The following CDCA2 variants were observed in gnomAD, a reference collection of about 807,000 sequenced individuals.
The protein encoded by CDCA2 is cell division cycle-associated protein 2.
Under a neutral mutation model 67.0 loss-of-function variants are expected in CDCA2, and 44 were observed. The observed-to-expected ratio is 0.66, with a 90% CI of 0.52 to 0.84. The LOEUF (loss-of-function observed/expected upper bound fraction) is 0.84, where lower values mean the gene tolerates loss of function less well. Ranked by LOEUF, CDCA2 falls within the 40% of genes least tolerant of loss-of-function variation. The probability of loss-of-function intolerance (pLI) is 0.00; values close to 1 mark genes in which losing one functional copy is unlikely to be tolerated. For missense variants in CDCA2, 1,253 were observed against 1,203.2 expected (o/e 1.04, Z -0.61); for synonymous variants, 447 against 418.7 (o/e 1.07, Z -0.82).
intron 13 of CDCA2, among the ~76,000 whole-genome samples, chr8:25,495,315 A>G (rs1037263285): frequency 6.6e-6 from 1 of 152,230 alleles, no homozygotes; most frequent in African/African-American, 2.4e-5. Flanking sequence ...AACAATCTCT[A>G]ATAAGCGAAA....
Position 25,483,460 on chromosome 8 carries a change from C to T in CDCA2, c.1094C>T (p.Pro365Leu). The T allele has an allele frequency of 6.2e-7, 1 of 1,611,260 alleles. No individual in the cohort carries two copies. Among genetic ancestry groups the T allele is most frequent in the Non-Finnish European group, 8.5e-7 (1 of 1,178,688 alleles). ...GTHPSLISNL[P>L]NCCKEKEAED... ...CATCCGAGCTTAATCTCAAATCTCC[C>T]AAACTGTTGCAAAGAGAAAGAAGCA... The change falls in exon 9 of 15, where the codon CCA (proline) becomes CTA (leucine). Residue 365 changes from proline to leucine, a missense_variant. Transcript: ENST00000330560.
At position 25,488,708 on chromosome 8, in the gene CDCA2, A is replaced by T. The variant is rs1803880316; in HGVS notation, c.1671+19A>T. The T allele has an allele frequency of 6.4e-7, 1 of 1,573,928 alleles. No homozygotes were observed. Among genetic ancestry groups the T allele is most frequent in the South Asian group, 1.2e-5 (1 of 83,778 alleles). On this transcript the variant is annotated intron_variant, in intron 13 of 14. Transcript: ENST00000330560. Reference sequence around the variant, plus strand: ...GAGTCAGGTAAGCATGTGTTTAAAGATATAATAAAGAGTAGAAGTGGTGTG... The same window carrying T: ...GAGTCAGGTAAGCATGTGTTTAAAGTTATAATAAAGAGTAGAAGTGGTGTG...
intron 14 of CDCA2, among the ~76,000 whole-genome samples, chr8:25,504,191 G>A (rs1428643298): frequency 1.3e-5 from 2 of 152,036 alleles, no homozygotes; most frequent in African/African-American, 4.8e-5. Context: ...TATCAAGTCA[G>A]TTGATATATG....
chr8:25,503,647 T>A (rs1804564322), intron 14 of CDCA2, 103 bp downstream of exon 14: 1 of 1,150,770 alleles, frequency 8.7e-7, no homozygotes, highest in South Asian at 1.6e-5. Flanking sequence ...ATGTAAAGAG[T>A]ACGTAAATTT....
intron 13 of CDCA2, among the ~76,000 whole-genome samples, chr8:25,488,914 T>C (rs1803893630): frequency 6.6e-6 from 1 of 152,170 alleles, no homozygotes. Flanking sequence ...GCGTACTTCC[T>C]GCACAGTAAA....
intron 3 of CDCA2, among the ~76,000 whole-genome samples, chr8:25,461,768 GAAAC>G (rs1802697723): frequency 6.6e-6 from 1 of 152,146 alleles, no homozygotes; most frequent in African/African-American, 2.4e-5. Flanking sequence ...TAGGAAATAA[GAAAC>G]AAAAATGAAA....
chr8:25,484,713 C>T (rs950371665), intron 10 of CDCA2, among the ~76,000 whole-genome samples: 34 of 151,764 alleles, frequency 2.2e-4, no homozygotes, highest in Admixed American at 2.0e-3. Context: ...CATATCCTCC[C>T]GTCTTAGCCT....
chr8:25,507,393 A>ACTTCCACTTC lies in CDCA2; in HGVS notation c.2739_2748dup (p.Gln917PhefsTer15). Reference sequence around the variant, plus strand: ...AAAACGAAGGTCTTGTATGGATTTCACTTCCACTTCCTTCCACTTCCCAAA... The same window carrying ACTTCCACTTC: ...AAAACGAAGGTCTTGTATGGATTTCACTTCCACTTCCTTCCACTTCCTTCCACTTCCCAAA... On this transcript the variant is annotated frameshift_variant, in exon 15 of 15. Coordinates refer to ENST00000330560, the MANE Select transcript of CDCA2 (RefSeq NM_152562.4). LOFTEE classifies it low-confidence loss of function (END_TRUNC). 1.2e-6 allele frequency: 2 copies of ACTTCCACTTC among 1,613,894 alleles called. No individual in the cohort carries two copies. Among genetic ancestry groups the ACTTCCACTTC allele is most frequent in the Non-Finnish European group, 1.7e-6 (2 of 1,179,962 alleles).
At chr8:25,463,410 A>G (rs548019902) in intron 4 of CDCA2, among the ~76,000 whole-genome samples, 1 of 152,296 alleles carries the variant, frequency 6.6e-6, no homozygotes, top group African/African-American at 2.4e-5. Context: ...ACATCATAAA[A>G]CAATGCATTG....
At chr8:25,503,215 A>G (rs115514187) in intron 13 of CDCA2, among the ~76,000 whole-genome samples, 158 bp from the exon 14 acceptor site, 423 of 152,320 alleles carry the variant, frequency 2.8e-3, no homozygotes, top group African/African-American at 9.9e-3. Flanking sequence ...GCCCAGGGGC[A>G]GAAGTTGCAG....
At chr8:25,483,559 A>G in intron 9 of CDCA2, 73 bp downstream of exon 9, 1 of 1,080,998 alleles carries the variant, frequency 9.3e-7, no homozygotes, top group Non-Finnish European at 1.4e-6. Context: ...ATAATATATG[A>G]AATTTTCAAT....
Position 25,471,340 on chromosome 8 carries a change from T to C in CDCA2, c.820+1360T>C, listed in dbSNP as rs1803145576. On this transcript the variant is annotated intron_variant, in intron 7 of 14. Transcript: ENST00000330560. ...GTTACCACAATGGAATAAGGTGTTCTTGCCTTCAATGTTTTCTTTCTTCTT... is the reference window on the plus strand; with the variant it reads ...GTTACCACAATGGAATAAGGTGTTCCTGCCTTCAATGTTTTCTTTCTTCTT... Among the ~76,000 whole-genome samples the C allele has an allele frequency of 4.8e-5, 7 of 147,224 alleles. No individual in the cohort carries two copies. In the South Asian group the frequency reaches 1.6e-3, roughly 34 times the overall value.
chr8:25,460,639 C>T (rs1802645873), intron 3 of CDCA2, 85 bp downstream of exon 3: 1 of 1,404,272 alleles, frequency 7.1e-7, no homozygotes, highest in Admixed American at 2.2e-5. Context: ...TTTATACGTA[C>T]TGTCATATTT....
chr8:25,483,409 A>G lies in CDCA2; in HGVS notation c.1043A>G (p.Asn348Ser). The G allele has an allele frequency of 1.9e-6, 3 of 1,604,100 alleles. No homozygotes were observed. The highest frequency in any genetic ancestry group is 1.7e-5 in the Admixed American group (1 of 58,374). ...GTTTATTCTGTTTAGGAACACTGTAACAACCTCTATGATGATGATGGGACT... is the reference window on the plus strand; with the variant it reads ...GTTTATTCTGTTTAGGAACACTGTAGCAACCTCTATGATGATGATGGGACT... ...MCLESLQEHC[N>S]NLYDDDGTHP... The change falls in exon 9 of 15, where the codon AAC becomes AGC. Residue 348 changes from asparagine to serine, a missense_variant. Asn to Ser is a conservative substitution (Grantham distance 46, BLOSUM62 1). Coordinates refer to ENST00000330560, the MANE Select transcript of CDCA2 (RefSeq NM_152562.4).
Position 25,503,400 on chromosome 8 carries a change from G to A in CDCA2, c.1699G>A (p.Gly567Arg). The A allele has an allele frequency of 1.9e-6, 3 of 1,613,402 alleles. No individual in the cohort carries two copies. Among genetic ancestry groups the A allele is most frequent in the South Asian group, 1.1e-5 (1 of 91,076 alleles). Reference protein sequence around the residue: ...QVLKSCRKKKGKGKKSVQKSL... With the variant: ...QVLKSCRKKKRKGKKSVQKSL... ...TTTAAAAAGTTGCAGAAAGAAGAAA[G>A]GAAAGGGAAAGAAAAGTGTTCAGAA... is the stretch of plus-strand genomic sequence containing the variant. Residue 567 changes from glycine to arginine, a missense_variant, in exon 14 of 15, where the codon GGA becomes AGA. Coordinates refer to ENST00000330560, the MANE Select transcript of CDCA2 (RefSeq NM_152562.4).
At chr8:25,490,542 C>T (rs572040397) in intron 13 of CDCA2, among the ~76,000 whole-genome samples, 1 of 152,152 alleles carries the variant, frequency 6.6e-6, no homozygotes, top group South Asian at 2.1e-4. Context: ...GGGAGCCGGC[C>T]TGTTCATGGG....
At chr8:25,491,420 G>A (rs1803998545) in intron 13 of CDCA2, among the ~76,000 whole-genome samples, 1 of 152,140 alleles carries the variant, frequency 6.6e-6, no homozygotes. Flanking sequence ...TGAACAATAA[G>A]GATAATGAGG....
At chr8:25,479,891 A>G (rs1292223344) in intron 7 of CDCA2, 22 bp from the exon 8 acceptor site, 1 of 1,609,826 alleles carries the variant, frequency 6.2e-7, no homozygotes, top group African/African-American at 1.3e-5. Flanking sequence ...CTGCCTCTCA[A>G]GTTTACATGT....
Position 25,507,796 on chromosome 8 carries a change from A to G in CDCA2, c.*58A>G. 2 of 1,535,884 alleles carry G rather than the reference A, an allele frequency of 1.3e-6. No individual in the cohort carries two copies. The highest frequency in any genetic ancestry group is 1.7e-6 in the Non-Finnish European group (2 of 1,147,324). ...GAAAGTAACCATCTATGCTGAAATGATCTGTCTAGTTCCCATTCTCTGTTC... is the reference window on the plus strand; with the variant it reads ...GAAAGTAACCATCTATGCTGAAATGGTCTGTCTAGTTCCCATTCTCTGTTC... On this transcript the variant is annotated 3_prime_UTR_variant, in exon 15 of 15. Coordinates refer to ENST00000330560, the MANE Select transcript of CDCA2 (RefSeq NM_152562.4).
Sources: allele counts gnomAD v4.1 joint callset (sites outside exome capture counted in the v4.1 genomes callset), GRCh38; gene constraint gnomAD v4.1.1; transcripts MANE v1.5; gene names NCBI Gene and HGNC (gene_info 2026-07-23, HGNC 2026-07-21).